The following DOCK3 variants were observed in gnomAD, a reference collection of about 807,000 sequenced individuals.
DOCK3 encodes dedicator of cytokinesis 3, also known as dedicator of cytokinesis protein 3.
A neutral mutation model predicts 265.6 loss-of-function variants in DOCK3; 60 were observed. That is an observed-to-expected ratio of 0.23 (90% confidence interval 0.18 to 0.28). The LOEUF is 0.28. Ranked by LOEUF, DOCK3 falls within the 10% of genes least tolerant of loss-of-function variation. The probability of loss-of-function intolerance (pLI) is 1.00; values close to 1 mark genes in which losing one functional copy is unlikely to be tolerated. For missense variants in DOCK3, 1,981 were observed against 2,594.3 expected (o/e 0.76, Z 5.14); for synonymous variants, 881 against 938.0 (o/e 0.94, Z 1.11).
At chr3:50,869,506 G>A (rs2047335500) in intron 3 of DOCK3, among the ~76,000 whole-genome samples, 1 of 150,870 alleles carries the variant, frequency 6.6e-6, no homozygotes, top group Non-Finnish European at 1.5e-5. Flanking sequence ...GAGTAGCTGG[G>A]ACCACAGGTA....
chr3:51,354,945 C>T lies in DOCK3; in HGVS notation c.4171C>T (p.Leu1391Phe). 4 of 1,613,924 alleles carry T rather than the reference C, an allele frequency of 2.5e-6. No individual in the cohort carries two copies. The highest frequency in any genetic ancestry group is 3.4e-6 in the Non-Finnish European group (4 of 1,179,848). Residue 1391 changes from leucine (L) to phenylalanine (F), a missense_variant, in exon 41 of 53, where the codon CTC becomes TTC. Leu to Phe is a conservative substitution (Grantham distance 22). Around this residue, in one of 4 missense-constraint regions of DOCK3, gnomAD observed 1,357 missense variants for 1,866.8 expected, o/e 0.73. Coordinates refer to ENST00000266037, the MANE Select transcript of DOCK3 (RefSeq NM_004947.5). ...ERLEAFQQRM[L>F]SEFPQAVAMQ... ...GCTGGAGGCCTTCCAGCAGAGGATG[C>T]TCAGTGAGTTTCCGCAGGCTGTCGC...
chr3:51,341,857 T>C (rs1326347308), intron 38 of DOCK3, among the ~76,000 whole-genome samples: 2 of 152,252 alleles, frequency 1.3e-5, no homozygotes, highest in Non-Finnish European at 2.9e-5. Context: ...CAGCACAGCC[T>C]GGGCTCCTCT....
Position 51,126,844 on chromosome 3 carries a change from A to G in DOCK3, c.747-19705A>G, listed in dbSNP as rs2084287549. On this transcript the variant is annotated intron_variant, in intron 9 of 52. Coordinates refer to ENST00000266037, the MANE Select transcript of DOCK3 (RefSeq NM_004947.5). ...AACTCATGTCATGGGGGTTTGCTGT[A>G]CAGATTATTTCATCACCCAGGTATT... 2.6e-5 allele frequency among the ~76,000 whole-genome samples: 4 copies of G among 152,286 alleles called. No individual in the cohort carries two copies. In the South Asian group the frequency reaches 8.3e-4, roughly 32 times the overall value.
intron 21 of DOCK3, among the ~76,000 whole-genome samples, chr3:51,241,129 A>C (rs1010951093): frequency 4.6e-5 from 7 of 152,244 alleles, no homozygotes; most frequent in African/African-American, 1.7e-4. Flanking sequence ...GGTGGTAACA[A>C]ATTCCTTCAG....
chr3:50,809,744 C>T lies in DOCK3; in HGVS notation c.121+30986C>T, dbSNP rs375597874. Among the ~76,000 whole-genome samples, 6 of 152,194 alleles carry T rather than the reference C, an allele frequency of 3.9e-5. No individual in the cohort carries two copies. In the East Asian group the frequency reaches 7.7e-4, roughly 20 times the overall value. On this transcript the variant is annotated intron_variant, in intron 2 of 52. Coordinates refer to ENST00000266037, the MANE Select transcript of DOCK3 (RefSeq NM_004947.5). ...GAGTTAGTTATTGCTACATACAATA[C>T]GATGACCCATCACAGACATATTATT... is the stretch of plus-strand genomic sequence containing the variant.
intron 14 of DOCK3, among the ~76,000 whole-genome samples, chr3:51,216,389 T>G (rs2089789952): frequency 6.6e-6 from 1 of 152,050 alleles, no homozygotes; most frequent in Admixed American, 6.6e-5. Context: ...CAAGCTGAGG[T>G]TAAGGGGGTT....
At chr3:51,243,271 A>G (rs1318667240) in intron 21 of DOCK3, among the ~76,000 whole-genome samples, 2 of 151,952 alleles carry the variant, frequency 1.3e-5, no homozygotes, top group Non-Finnish European at 2.9e-5. Context: ...TACCCCTACC[A>G]CTTCTCTAAG....
At chr3:51,085,573 T>A (rs1193729152) in intron 7 of DOCK3, among the ~76,000 whole-genome samples, 1 of 151,994 alleles carries the variant, frequency 6.6e-6, no homozygotes, top group Non-Finnish European at 1.5e-5. Context: ...GAATAAGCAA[T>A]GAGTGAATGA....
chr3:50,975,978 C>A (rs1285998123), intron 5 of DOCK3, among the ~76,000 whole-genome samples: 4 of 150,408 alleles, frequency 2.7e-5, no homozygotes, highest in Non-Finnish European at 5.9e-5. Context: ...TCTGTGGGAT[C>A]GGTGGTGATA....
In DOCK3 at chr3:51,227,390, C is replaced by G; in HGVS notation, c.1485C>G (p.Ile495Met). Residue 495 changes from isoleucine to methionine, a missense_variant, in exon 16 of 53, where the codon ATC becomes ATG. Ile to Met is a conservative substitution (Grantham distance 10). Coordinates refer to ENST00000266037, the MANE Select transcript of DOCK3 (RefSeq NM_004947.5). The stretch of plus-strand genomic sequence containing the variant: ...GGGGAGAAATTATCAAATTGCCTAT[C>G]CCCATTGACCGGTTCCGGGGCTCCC... The part of the protein sequence containing the change: ...PRWGEIIKLP[I>M]PIDRFRGSHL... 1 of 1,613,948 alleles carries G rather than the reference C, an allele frequency of 6.2e-7. No individual in the cohort carries two copies. Among genetic ancestry groups the G allele is most frequent in the Non-Finnish European group, 8.5e-7 (1 of 1,179,840 alleles).
At chr3:51,245,918 A>C (rs2078816974) in intron 21 of DOCK3, among the ~76,000 whole-genome samples, 1 of 152,146 alleles carries the variant, frequency 6.6e-6, no homozygotes, top group African/African-American at 2.4e-5. Flanking sequence ...ACAGGGGATT[A>C]AATAACTCAT....
chr3:50,877,541 C>T (rs371792650), intron 3 of DOCK3: 6 of 519,974 alleles, frequency 1.2e-5, no homozygotes, highest in African/African-American at 9.6e-5. Flanking sequence ...AAGATACTGA[C>T]TGTGTTGACA....
chr3:51,333,882 T>A (rs1371206722), intron 35 of DOCK3, among the ~76,000 whole-genome samples: 2 of 151,916 alleles, frequency 1.3e-5, no homozygotes, highest in African/African-American at 4.8e-5. Context: ...ATAGTCTTGC[T>A]TTGTCACCCA....
At chr3:50,721,091 C>T (rs569964440) in intron 1 of DOCK3, among the ~76,000 whole-genome samples, 31 of 151,426 alleles carry the variant, frequency 2.0e-4, no homozygotes, top group African/African-American at 6.5e-4. Flanking sequence ...CCTTAAGATT[C>T]TGGATATTAG....
At chr3:51,356,834 A>T in intron 43 of DOCK3, 128 bp from the exon 44 acceptor site, 1 of 1,118,148 alleles carries the variant, frequency 8.9e-7, no homozygotes, top group Non-Finnish European at 1.3e-6. Flanking sequence ...GAAAGGGTCC[A>T]GGGAGTCTCA....
chr3:50,957,594 T>TA (rs1559861550), intron 5 of DOCK3, among the ~76,000 whole-genome samples: 1 of 152,216 alleles, frequency 6.6e-6, no homozygotes, highest in East Asian at 1.9e-4. Flanking sequence ...AACAAAACTT[T>TA]GTTAAAGTAG....
intron 9 of DOCK3, among the ~76,000 whole-genome samples, chr3:51,097,645 C>A (rs1052608744): frequency 2.6e-5 from 4 of 152,200 alleles, no homozygotes; most frequent in African/African-American, 9.6e-5. Flanking sequence ...GCGCTCCAGG[C>A]GCCACTGGGG....
At chr3:51,008,889 T>C (rs2078806691) in intron 5 of DOCK3, among the ~76,000 whole-genome samples, 1 of 152,220 alleles carries the variant, frequency 6.6e-6, no homozygotes, top group East Asian at 1.9e-4. Flanking sequence ...GTGGTTTTTG[T>C]CTTTGGTTCT....
rs945162817 is a variant in DOCK3, at chr3:51,278,480, A to C, written c.2823+726A>C. The C allele has an allele frequency of 9.1e-6, 9 of 985,280 alleles. No homozygotes were observed. The African/African-American group carries it at 1.6e-4, about 17-fold the overall frequency. 61.0% of individuals were successfully genotyped at this position (985,280 alleles called of 1,614,324 possible). A position where few individuals can be genotyped will look rare whatever the true frequency, so the allele number is the denominator to read the frequency against. On this transcript the variant is annotated intron_variant, in intron 26 of 52. Transcript: ENST00000266037. ...CTCTCTGAAGAAAACCCTCTGGAGC[A>C]AGCCAAGCTACAGCGTGCTAGGGAG... is the stretch of plus-strand genomic sequence containing the variant.
Sources: gnomAD v4.1 joint callset for allele counts (sites outside exome capture counted in the v4.1 genomes callset) on GRCh38, gnomAD v4.1.1 for gene constraint, gnomAD v4.1.1 regional missense constraint, MANE v1.5 for transcripts, NCBI Gene and HGNC (gene_info 2026-07-23, HGNC 2026-07-21) for gene names.